The following MROH9 variants were observed in gnomAD, a reference collection of about 807,000 sequenced individuals.
The protein encoded by MROH9 is maestro heat-like repeat-containing protein family member 9.
MROH9 carries 92 observed loss-of-function variants against 98.2 expected under a neutral mutation model. The ratio of observed to expected loss-of-function variants is 0.94; its 90% CI spans 0.79 to 1.11. The LOEUF is 1.11. Among genes scored for constraint, MROH9 ranks in the 50% most tolerant of loss-of-function variants. The pLI, the probability that MROH9 is intolerant of heterozygous loss-of-function variation, is 0.00. For synonymous variants in MROH9, 397 were observed against 368.9 expected (o/e 1.08, Z -0.87); for missense variants, 1,057 against 1,014.8 (o/e 1.04, Z -0.57).
chr1:171,021,008 C>T (rs1652498578), intron 17 of MROH9, among the ~76,000 whole-genome samples: 1 of 152,160 alleles, frequency 6.6e-6, no homozygotes, highest in Admixed American at 6.5e-5. Context: ...CACTCATTCG[C>T]AATTGCTACA....
chr1:170,996,513 C>G lies in MROH9; in HGVS notation c.1344C>G (p.Ala448=). 6.2e-7 allele frequency: 1 copy of G among 1,613,036 alleles called. No homozygotes were observed. The highest frequency in any genetic ancestry group is 8.5e-7 in the Non-Finnish European group (1 of 1,179,412). ...KPILKDRALY[A]QDALRVLLNC... ...CTCTCTTTTGGGGCTTTAGGTATGCCCAGGATGCCCTGAGAGTTCTGCTGA... is the reference window on the plus strand; with the variant it reads ...CTCTCTTTTGGGGCTTTAGGTATGCGCAGGATGCCCTGAGAGTTCTGCTGA... The change falls in exon 14 of 22, where the codon GCC becomes GCG. Residue 448 remains alanine, a synonymous_variant. Coordinates refer to ENST00000367759, the MANE Select transcript of MROH9 (RefSeq NM_001163629.2).
chr1:171,008,403 G>A (rs1260561548), intron 15 of MROH9, among the ~76,000 whole-genome samples: 1 of 152,082 alleles, frequency 6.6e-6, no homozygotes, highest in Non-Finnish European at 1.5e-5. Flanking sequence ...TTGTTCTGCA[G>A]TTATTTATTA....
intron 20 of MROH9, among the ~76,000 whole-genome samples, chr1:171,044,800 G>C (rs1653409928): frequency 6.6e-6 from 1 of 151,488 alleles, no homozygotes; most frequent in Non-Finnish European, 1.5e-5. Context: ...TTCAGTAGCA[G>C]TTTTAATGTC....
chr1:170,961,374 C>T lies in MROH9; in HGVS notation c.289-516C>T, dbSNP rs1650011354. Among the ~76,000 whole-genome samples the T allele has an allele frequency of 3.3e-5, 5 of 152,068 alleles. No homozygotes were observed. In the South Asian group the frequency reaches 1.0e-3, roughly 31 times the overall value. Reference sequence around the variant, plus strand: ...ATAAAACTTTTTATAAATACAGGGACAAAACTATTAGCCAGGGCTATGTTC... The same window carrying T: ...ATAAAACTTTTTATAAATACAGGGATAAAACTATTAGCCAGGGCTATGTTC... On this transcript the variant is annotated intron_variant, in intron 5 of 21. Transcript: ENST00000367759.
At chr1:170,981,744 A>T (rs1047513989) in intron 8 of MROH9, among the ~76,000 whole-genome samples, 30 of 67,460 alleles carry the variant, frequency 4.4e-4, no homozygotes, top group African/African-American at 1.5e-3. Context: ...TAGAAGAAAT[A>T]AAAAAAAAAA....
rs147641818 is a variant in MROH9, at chr1:171,018,797, C to T, written c.1908+2461C>T. On this transcript the variant is annotated intron_variant, in intron 17 of 21. Coordinates refer to ENST00000367759, the MANE Select transcript of MROH9 (RefSeq NM_001163629.2). ...AGCTGAATCGATGAAGCAGAAGAAACGATATCAGAGTTTGAAGACTATCTT... is the reference window on the plus strand; with the variant it reads ...AGCTGAATCGATGAAGCAGAAGAAATGATATCAGAGTTTGAAGACTATCTT... Among the ~76,000 whole-genome samples the T allele has an allele frequency of 4.8e-3, 726 of 152,146 alleles. 3 individuals are homozygous for T. Among genetic ancestry groups the T allele is most frequent in the Non-Finnish European group, 6.7e-3 (457 of 68,002 alleles).
chr1:171,051,166 G>C (rs563732015), intron 20 of MROH9, among the ~76,000 whole-genome samples: 3 of 152,156 alleles, frequency 2.0e-5, no homozygotes, highest in Non-Finnish European at 2.9e-5. Context: ...CAAACATTGT[G>C]TAAGACATTG....
intron 15 of MROH9, among the ~76,000 whole-genome samples, chr1:170,999,049 T>A (rs185931375): frequency 6.6e-6 from 1 of 152,164 alleles, no homozygotes; most frequent in African/African-American, 2.4e-5. Flanking sequence ...TCAGTCTATT[T>A]TGACCTCTCA....
chr1:170,951,039 T>C (rs1649534212), intron 3 of MROH9, among the ~76,000 whole-genome samples: 1 of 152,078 alleles, frequency 6.6e-6, no homozygotes, highest in African/African-American at 2.4e-5. Context: ...TTGAAAGATG[T>C]CTTCCTATGT....
chr1:171,005,270 A>G (rs570535102), intron 15 of MROH9, among the ~76,000 whole-genome samples: 1 of 152,156 alleles, frequency 6.6e-6, no homozygotes, highest in African/African-American at 2.4e-5. Context: ...TGGGTTTCAC[A>G]ATGTTACCCA....
At chr1:171,025,681 T>C (rs184866960) in intron 20 of MROH9, among the ~76,000 whole-genome samples, 1 of 152,286 alleles carries the variant, frequency 6.6e-6, no homozygotes, top group East Asian at 1.9e-4. Context: ...TGACATACCA[T>C]TGTTCATTTT....
intron 11 of MROH9, among the ~76,000 whole-genome samples, 190 bp from the exon 12 acceptor site, chr1:170,991,974 T>G (rs1309889109): frequency 6.6e-6 from 1 of 152,168 alleles, no homozygotes; most frequent in East Asian, 1.9e-4. Flanking sequence ...AAATTCTTTC[T>G]CTGTTTTCTA....
At chr1:170,960,124 G>A (rs965074915) in intron 5 of MROH9, among the ~76,000 whole-genome samples, 7 of 152,294 alleles carry the variant, frequency 4.6e-5, no homozygotes, top group Admixed American at 4.6e-4. Flanking sequence ...TTTTATAAGA[G>A]CTTCTATACA....
chr1:171,032,150 A>C (rs1652937070), intron 20 of MROH9, among the ~76,000 whole-genome samples: 1 of 152,078 alleles, frequency 6.6e-6, no homozygotes, highest in Non-Finnish European at 1.5e-5. Flanking sequence ...GTTTCTCTCT[A>C]AACTGGTTAT....
chr1:170,998,311 T>C (rs371575041), intron 15 of MROH9, 37 bp downstream of exon 15: 2 of 1,613,292 alleles, frequency 1.2e-6, no homozygotes, highest in Non-Finnish European at 1.7e-6. Context: ...GTGTTCTCAT[T>C]TCCTTTTCTT....
intron 8 of MROH9, 59 bp downstream of exon 8, chr1:170,971,942 A>T: frequency 6.4e-7 from 1 of 1,569,802 alleles, no homozygotes; most frequent in South Asian, 1.1e-5. Flanking sequence ...TCGTTATTCA[A>T]CTTATAGGTC....
chr1:170,970,731 T>TGTGTGTGTGAGAGAGA (rs1491154307), intron 7 of MROH9, among the ~76,000 whole-genome samples: 2 of 90,802 alleles, frequency 2.2e-5, no homozygotes, highest in African/African-American at 4.3e-5. Flanking sequence ...TGTGTGTGTG[T>TGTGTGTGTGAGAGAGA]GAGAGAGAGA....
chr1:171,036,750 G>A lies in MROH9; in HGVS notation c.2281+11330G>A, dbSNP rs566388177. On this transcript the variant is annotated intron_variant, in intron 20 of 21. Transcript: ENST00000367759. Reference sequence around the variant, plus strand: ...AATAAAAATAAATAAATAAATAAACGCTATCTTTACACTCACCAGAATAGA... The same window carrying A: ...AATAAAAATAAATAAATAAATAAACACTATCTTTACACTCACCAGAATAGA... Among the ~76,000 whole-genome samples the A allele has an allele frequency of 6.3e-4, 95 of 150,402 alleles. 1 individual carries two copies. Among genetic ancestry groups the A allele is most frequent in the African/African-American group, 2.1e-3 (86 of 41,168 alleles).
In MROH9 at chr1:171,024,504, C is replaced by T; in HGVS notation, c.2018C>T (p.Pro673Leu). The change falls in exon 18 of 22, where the codon CCC (proline) becomes CTC (leucine). Residue 673 changes from proline (P) to leucine (L), a missense_variant. Transcript: ENST00000367759. ...VNDVVLEGLV[P>L]LILFLEDDDK... ...GATGTGGTTCTAGAAGGCTTGGTGC[C>T]CCTAATCCTATTTTTGGAGGATGAT... 1.3e-6 allele frequency: 2 copies of T among 1,540,286 alleles called. No homozygotes were observed. The highest frequency in any genetic ancestry group is 1.7e-6 in the Non-Finnish European group (2 of 1,142,976).
Sources: allele counts gnomAD v4.1 joint callset (sites outside exome capture counted in the v4.1 genomes callset), GRCh38; gene constraint gnomAD v4.1.1; transcripts MANE v1.5; gene names NCBI Gene and HGNC (gene_info 2026-07-23, HGNC 2026-07-21).